Variants in PRR16 observed in about 807,000 individuals in gnomAD.
The protein encoded by PRR16 is protein Largen.
A neutral mutation model predicts 18.2 loss-of-function variants in PRR16; 6 were observed. That is an observed-to-expected ratio of 0.33 (90% CI 0.18 to 0.65). The LOEUF (loss-of-function observed/expected upper bound fraction) is 0.65, where lower values mean the gene tolerates loss of function less well. PRR16 is among the 30% of genes least tolerant of loss of function. The pLI is 0.74. For missense variants in PRR16, 412 were observed against 376.6 expected, an observed-to-expected ratio of 1.09 and a Z score of -0.78; for synonymous variants, 151 against 147.8, an observed-to-expected ratio of 1.02 and a Z score of -0.16.
At chr5:120,470,417 ATT>A (rs1749231244) in intron 1 of PRR16, among the ~76,000 whole-genome samples, 1 of 152,132 alleles carries the variant, frequency 6.6e-6, no homozygotes, top group African/African-American at 2.4e-5. Context: ...TATACTAAAC[ATT>A]TTGTCATATT....
intron 1 of PRR16, among the ~76,000 whole-genome samples, chr5:120,667,433 G>T (rs534870642): frequency 6.6e-6 from 1 of 151,930 alleles, no homozygotes; most frequent in Non-Finnish European, 1.5e-5. Context: ...TTTTTGAAGC[G>T]TTTTTTGTGT....
At chr5:120,768,023 A>C in the PRR16 span, among the ~76,000 whole-genome samples, 1 of 151,818 alleles carries the variant, frequency 6.6e-6, no homozygotes, top group Non-Finnish European at 1.5e-5. Flanking sequence ...CTAATTTTAA[A>C]ATAGTGTTAT....
the PRR16 span, among the ~76,000 whole-genome samples, chr5:120,791,542 G>A: frequency 6.6e-6 from 1 of 151,624 alleles, no homozygotes; most frequent in Non-Finnish European, 1.5e-5. Flanking sequence ...AATCCTAAGT[G>A]TTCTCATTAT....
chr5:120,731,203 T>C, the PRR16 span, among the ~76,000 whole-genome samples: 6 of 152,178 alleles, frequency 3.9e-5, no homozygotes, highest in Non-Finnish European at 7.3e-5. Flanking sequence ...TAGAGATATA[T>C]GTGGACAGTA....
chr5:120,662,409 G>C (rs1363187557), intron 1 of PRR16, among the ~76,000 whole-genome samples: 1 of 151,934 alleles, frequency 6.6e-6, no homozygotes, highest in Non-Finnish European at 1.5e-5. Context: ...TTATTTATTA[G>C]TTTGTCAGTA....
the PRR16 span, among the ~76,000 whole-genome samples, chr5:120,694,556 C>A: frequency 3.3e-5 from 5 of 151,808 alleles, no homozygotes; most frequent in Admixed American, 6.6e-5. Context: ...AGGTGGCGGG[C>A]GCCTGTAGTC....
intron 1 of PRR16, among the ~76,000 whole-genome samples, chr5:120,522,203 A>C (rs1213925054): frequency 6.6e-6 from 1 of 152,212 alleles, no homozygotes. Flanking sequence ...GAGATGGCTG[A>C]GTCAAATGGT....
chr5:120,700,819 AG>A, the PRR16 span, among the ~76,000 whole-genome samples: 1 of 152,120 alleles, frequency 6.6e-6, no homozygotes, highest in Non-Finnish European at 1.5e-5. Flanking sequence ...GTGATGGTCT[AG>A]GGGGCTTCCG....
At chr5:120,549,708 G>A (rs911573057) in intron 1 of PRR16, among the ~76,000 whole-genome samples, 5 of 151,880 alleles carry the variant, frequency 3.3e-5, no homozygotes, top group Non-Finnish European at 7.4e-5. Flanking sequence ...AATCTCGTAA[G>A]CTTATTATAT....
chr5:120,590,423 T>C (rs1311061921), intron 1 of PRR16, among the ~76,000 whole-genome samples: 1 of 152,176 alleles, frequency 6.6e-6, no homozygotes, highest in Non-Finnish European at 1.5e-5. Flanking sequence ...ATTTTGTCAG[T>C]AAGAATTTCT....
the PRR16 span, among the ~76,000 whole-genome samples, chr5:120,714,849 G>A: frequency 2.0e-5 from 3 of 152,128 alleles, no homozygotes; most frequent in African/African-American, 7.2e-5. Flanking sequence ...GGACATAGAT[G>A]AAACTGGAAG....
intron 1 of PRR16, among the ~76,000 whole-genome samples, chr5:120,490,921 C>A (rs1340694708): frequency 6.6e-6 from 1 of 152,196 alleles, no homozygotes; most frequent in Non-Finnish European, 1.5e-5. Flanking sequence ...AGGTCCACTC[C>A]AGACCCTGTT....
intron 1 of PRR16, among the ~76,000 whole-genome samples, chr5:120,487,738 G>A (rs184164394): frequency 0.011 from 1,617 of 152,212 alleles, 12 homozygotes; most frequent in East Asian, 0.024. Flanking sequence ...TTTTCAAAGG[G>A]AATGCTTCCA....
intron 1 of PRR16, among the ~76,000 whole-genome samples, chr5:120,518,317 G>A (rs906733416): frequency 3.3e-5 from 5 of 151,336 alleles, no homozygotes; most frequent in Non-Finnish European, 7.4e-5. Flanking sequence ...TGTTTTAATT[G>A]TATATATATA....
rs1054566678 is a variant in PRR16 at position 120,487,756 on chromosome 5, C to T, written c.159+23111C>T. Among the ~76,000 whole-genome samples the T allele has an allele frequency of 6.2e-4, 95 of 152,084 alleles. 1 individual carries two copies. The highest frequency in any genetic ancestry group is 1.9e-4 in the Non-Finnish European group (13 of 68,032). ...TCAAAGGGAATGCTTCCAGTTTTTG[C>T]CCATTTAGTATGATATTGGCTGTGG... is the stretch of plus-strand genomic sequence containing the variant. On this transcript the variant is annotated intron_variant, in intron 1 of 1. Coordinates refer to ENST00000407149, the MANE Select transcript of PRR16 (RefSeq NM_001300783.2).
chr5:120,774,787 A>G, the PRR16 span, among the ~76,000 whole-genome samples: 1 of 152,200 alleles, frequency 6.6e-6, no homozygotes, highest in Non-Finnish European at 1.5e-5. Flanking sequence ...TCCCTGCAAT[A>G]CAAGGGAGTC....
chr5:120,764,263 C>A, the PRR16 span, among the ~76,000 whole-genome samples: 2 of 151,974 alleles, frequency 1.3e-5, no homozygotes, highest in African/African-American at 4.8e-5. Context: ...AAGTTTTTAT[C>A]ATGAAATCAT....
intron 1 of PRR16, among the ~76,000 whole-genome samples, chr5:120,593,841 G>T (rs1443156882): frequency 6.6e-6 from 1 of 152,068 alleles, no homozygotes; most frequent in African/African-American, 2.4e-5. Context: ...TACAAGTTTG[G>T]CTCAACATAT....
chr5:120,534,277 C>T (rs755350528), intron 1 of PRR16, among the ~76,000 whole-genome samples: 2 of 152,108 alleles, frequency 1.3e-5, no homozygotes, highest in Non-Finnish European at 2.9e-5. Context: ...GGGCATTCAG[C>T]ATTAGGAGAA....
Sources: allele counts gnomAD v4.1 joint callset (sites outside exome capture counted in the v4.1 genomes callset), GRCh38; gene constraint gnomAD v4.1.1; transcripts MANE v1.5; gene names NCBI Gene and HGNC (gene_info 2026-07-23, HGNC 2026-07-21).